MRPL12: variants seen among roughly 807,000 people sequenced by gnomAD.
MRPL12 encodes large ribosomal subunit protein bL12m.
A neutral mutation model predicts 21.1 loss-of-function variants in MRPL12; 13 were observed. That is an observed-to-expected ratio of 0.62 (90% confidence interval 0.40 to 0.98). The LOEUF is 0.98. MRPL12 is among the 50% of genes least tolerant of loss of function. The pLI, the probability that MRPL12 is intolerant of heterozygous loss-of-function variation, is 0.00. For synonymous variants in MRPL12, 126 were observed against 115.3 expected (o/e 1.09, Z -0.60); for missense variants, 251 against 268.6 (o/e 0.93, Z 0.46).
At position 81,703,406 on chromosome 17, in the gene MRPL12, G is replaced by C; in HGVS notation, c.-96G>C. The C allele has an allele frequency of 9.3e-7, 1 of 1,080,408 alleles. No homozygotes were observed. Among genetic ancestry groups the C allele is most frequent in the Non-Finnish European group, 1.3e-6 (1 of 788,170 alleles). The allele number at this position is 1,080,408 out of a possible 1,614,324, so 66.9% of individuals were successfully genotyped here. ...GAATGCCCGGCAGCCGTGGCGGCTA[G>C]AGCGTTCCTCCCCAGCTCGAATGCC... On this transcript the variant is annotated 5_prime_UTR_variant, in exon 1 of 5. The change abolishes the stop of an existing upstream ORF in the 5' untranslated region. Transcript: ENST00000333676.
In MRPL12 at chr17:81,704,712, A is replaced by G; in HGVS notation, c.341A>G (p.Gln114Arg). 2 of 1,612,814 alleles carry G rather than the reference A, an allele frequency of 1.2e-6. No homozygotes were observed. The highest frequency in any genetic ancestry group is 1.7e-6 in the Non-Finnish European group (2 of 1,179,342). The change falls in exon 3 of 5, where the codon CAG (glutamine) becomes CGG (arginine). Residue 114 changes from glutamine (Q) to arginine (R), a missense_variant. Gln to Arg is a conservative substitution (Grantham distance 43). Coordinates refer to ENST00000333676, the MANE Select transcript of MRPL12 (RefSeq NM_002949.4). ...GGGGCTGTCCCTGCTGCAGCAGCCC[A>G]GGAGGTGAGTCCTGGGCAGAATGAG... ...MSGAVPAAAA[Q>R]EAVEEDIPIA...
In MRPL12 at chr17:81,707,354, G is replaced by A; in HGVS notation, c.*114G>A. 1 of 1,034,214 alleles carries A rather than the reference G, an allele frequency of 9.7e-7. No individual in the cohort carries two copies. The highest frequency in any genetic ancestry group is 1.6e-5 in the African/African-American group (1 of 62,538). 64.1% of individuals were successfully genotyped at this position (1,034,214 alleles called of 1,614,324 possible). ...AGGCGCCCAGTGGAGCCGTTTGGGA[G>A]AATTGCCTGCGCCACGCAGCGGGGC... On this transcript the variant is annotated 3_prime_UTR_variant, in exon 5 of 5. Coordinates refer to ENST00000333676, the MANE Select transcript of MRPL12 (RefSeq NM_002949.4).
chr17:81,704,454 C>T, intron 2 of MRPL12, 24 bp downstream of exon 2: 1 of 1,603,784 alleles, frequency 6.2e-7, no homozygotes, highest in Non-Finnish European at 8.5e-7. Context: ...GTGGCACAGA[C>T]CCAGGGGCTG....
chr17:81,703,692 C>T lies in MRPL12; in HGVS notation c.74+117C>T, dbSNP rs375652856. 167 of 1,007,368 alleles carry T rather than the reference C, an allele frequency of 1.7e-4. 1 individual carries two copies. The East Asian group carries it at 4.0e-3, about 24-fold the overall frequency. 62.4% of individuals were successfully genotyped at this position (1,007,368 alleles called of 1,614,324 possible). A position where few individuals can be genotyped will look rare whatever the true frequency, so the allele number is the denominator to read the frequency against. On this transcript the variant is annotated intron_variant, in intron 1 of 4. Transcript: ENST00000333676. The stretch of plus-strand genomic sequence containing the variant: ...GCCGGCCTCCCTGCAGCGGCCAGGC[C>T]GGGCTTGGGGGTCCCATCGGGGGCG...
chr17:81,703,549 T>G lies in MRPL12; in HGVS notation c.48T>G (p.Leu16=). 1 of 1,466,500 alleles carries G rather than the reference T, an allele frequency of 6.8e-7. No individual in the cohort carries two copies. The highest frequency in any genetic ancestry group is 9.0e-7 in the Non-Finnish European group (1 of 1,115,272). 90.8% of individuals were successfully genotyped at this position (1,466,500 alleles called of 1,614,324 possible). A position where few individuals can be genotyped will look rare whatever the true frequency, so the allele number is the denominator to read the frequency against. ...ARPLWGPCLG[L]RAAAFRLARR... ...CCCTGTGGGGGCCTTGCCTTGGGCT[T>G]CGGGCCGCTGCGTTCCGCCTTGCCA... Residue 16 remains leucine, a synonymous_variant, in exon 1 of 5, where the codon CTT becomes CTG. Coordinates refer to ENST00000333676, the MANE Select transcript of MRPL12 (RefSeq NM_002949.4).
chr17:81,706,392 G>A lies in MRPL12; in HGVS notation c.346-514G>A, dbSNP rs1355447695. Among the ~76,000 whole-genome samples, 6 of 152,194 alleles carry A rather than the reference G, an allele frequency of 3.9e-5. No individual in the cohort carries two copies. In the South Asian group the frequency reaches 8.3e-4, roughly 21 times the overall value. ...CTCCCGAGTAGCTGGGATTACAGGC[G>A]CGCACCACTAGAGACAGGGTTTCAC... On this transcript the variant is annotated intron_variant, in intron 3 of 4. Transcript: ENST00000333676.
chr17:81,705,148 CAGG>C (rs566278619), intron 3 of MRPL12, among the ~76,000 whole-genome samples: 71 of 151,776 alleles, frequency 4.7e-4, no homozygotes, highest in Admixed American at 4.4e-3. Flanking sequence ...GAGGCTGAGG[CAGG>C]AGAATAGCTT....
Position 81,707,371 on chromosome 17 carries a change from C to T in MRPL12, c.*131C>T, listed in dbSNP as rs2037325528. ...GTTTGGGAGAATTGCCTGCGCCACG[C>T]AGCGGGGCCGGACAGGCCGCACAGA... is the stretch of plus-strand genomic sequence containing the variant. On this transcript the variant is annotated 3_prime_UTR_variant, in exon 5 of 5. Coordinates refer to ENST00000333676, the MANE Select transcript of MRPL12 (RefSeq NM_002949.4). 2 of 914,118 alleles carry T rather than the reference C, an allele frequency of 2.2e-6. No homozygotes were observed. The highest frequency in any genetic ancestry group is 3.3e-5 in the African/African-American group (2 of 59,940). 56.6% of individuals were successfully genotyped at this position (914,118 alleles called of 1,614,324 possible).
chr17:81,705,156 T>C (rs2037301132), intron 3 of MRPL12, among the ~76,000 whole-genome samples: 1 of 151,624 alleles, frequency 6.6e-6, no homozygotes, highest in Non-Finnish European at 1.5e-5. Flanking sequence ...GGCAGGAGAA[T>C]AGCTTGAACC....
Position 81,704,625 on chromosome 17 carries a change from C to G in MRPL12, c.262-8C>G, listed in dbSNP as rs1376633349. 1.2e-6 allele frequency: 2 copies of G among 1,613,728 alleles called. No individual in the cohort carries two copies. The highest frequency in any genetic ancestry group is 2.7e-5 in the African/African-American group (2 of 74,934). On this transcript the variant is annotated splice_polypyrimidine_tract_variant and splice_region_variant and intron_variant, in intron 2 of 4. Transcript: ENST00000333676. ...GCCAGCTGTGGACACTGTTCTCTAT[C>G]TCTGCAGAAAACGTTGAAGATCCAG...
intron 1 of MRPL12, 81 bp from the exon 2 acceptor site, chr17:81,704,163 C>A: frequency 7.1e-7 from 1 of 1,417,120 alleles, no homozygotes; most frequent in South Asian, 1.4e-5. Flanking sequence ...ACCAGTCCCC[C>A]AGTTGTCCTG....
intron 3 of MRPL12, among the ~76,000 whole-genome samples, chr17:81,705,213 A>T (rs970470133): frequency 1.3e-5 from 2 of 151,372 alleles, no homozygotes; most frequent in Non-Finnish European, 2.9e-5. Context: ...AATAAAAATA[A>T]AAATAAATAA....
Position 81,703,484 on chromosome 17 carries a change from C to G in MRPL12, c.-18C>G, listed in dbSNP as rs1163724787. ...CTCCTCCCGGGGAACCGCGTGTGAC[C>G]TTCCAGCCCGCGGACCGATGCTGCC... On this transcript the variant is annotated 5_prime_UTR_variant, in exon 1 of 5. Coordinates refer to ENST00000333676, the MANE Select transcript of MRPL12 (RefSeq NM_002949.4). 3 of 1,487,638 alleles carry G rather than the reference C, an allele frequency of 2.0e-6. No homozygotes were observed. The East Asian group carries it at 8.7e-5, about 43-fold the overall frequency. 92.2% of individuals were successfully genotyped at this position (1,487,638 alleles called of 1,614,324 possible). A position where few individuals can be genotyped will look rare whatever the true frequency, so the allele number is the denominator to read the frequency against.
Position 81,704,338 on chromosome 17 carries a change from C to A in MRPL12, c.169C>A (p.Pro57Thr). The A allele has an allele frequency of 6.2e-7, 1 of 1,613,566 alleles. No individual in the cohort carries two copies. Among genetic ancestry groups the A allele is most frequent in the Non-Finnish European group, 8.5e-7 (1 of 1,179,918 alleles). ...ALAGAPLDNA[P>T]KEYPPKIQQL... ...CGCTGGTGCACCCCTGGATAACGCC[C>A]CCAAGGAGTACCCCCCCAAGATACA... Residue 57 changes from proline to threonine, a missense_variant, in exon 2 of 5, where the codon CCC becomes ACC. Physicochemically the swap from Pro to Thr is conservative, Grantham distance 38. Transcript: ENST00000333676.
chr17:81,704,985 A>G (rs1348449824), intron 3 of MRPL12, among the ~76,000 whole-genome samples: 1 of 152,132 alleles, frequency 6.6e-6, no homozygotes, highest in Non-Finnish European at 1.5e-5. Context: ...CTGTAATCCC[A>G]GCGCTTCGGG....
chr17:81,704,173 G>GC (rs2037287438), intron 1 of MRPL12, 71 bp from the exon 2 acceptor site: 1 of 1,487,206 alleles, frequency 6.7e-7, no homozygotes, highest in Non-Finnish European at 9.1e-7. Flanking sequence ...CAGTTGTCCT[G>GC]CCCCTCTGGT....
Position 81,707,187 on chromosome 17 carries a change from GAGA to G in MRPL12, c.548_550del (p.Lys183del). 1.9e-6 allele frequency: 3 copies of G among 1,613,606 alleles called. No homozygotes were observed. The highest frequency in any genetic ancestry group is 2.5e-6 in the Non-Finnish European group (3 of 1,179,772). ...AGCCAATGTCGCCAAAGCTGAGGCG[GAGA>G]AGATCAAGGCGGCCCTGGAGGCGGT... On this transcript the variant is annotated inframe_deletion, in exon 5 of 5. Coordinates refer to ENST00000333676, the MANE Select transcript of MRPL12 (RefSeq NM_002949.4).
In MRPL12 at chr17:81,707,163, G is replaced by C. The variant is rs1272874416; in HGVS notation, c.520G>C (p.Ala174Pro). The change falls in exon 5 of 5, where the codon GCC becomes CCC. Residue 174 changes from alanine to proline, a missense_variant. Transcript: ENST00000333676. ...LVESLPQEIK[A>P]NVAKAEAEKI... The stretch of plus-strand genomic sequence containing the variant: ...GGAGTCCCTGCCCCAGGAAATCAAA[G>C]CCAATGTCGCCAAAGCTGAGGCGGA... 1.9e-6 allele frequency: 3 copies of C among 1,614,036 alleles called. 1 individual carries two copies. The South Asian group carries it at 3.3e-5, about 18-fold the overall frequency.
At chr17:81,706,026 C>G (rs2037310050) in intron 3 of MRPL12, among the ~76,000 whole-genome samples, 1 of 152,242 alleles carries the variant, frequency 6.6e-6, no homozygotes, top group Non-Finnish European at 1.5e-5. Flanking sequence ...ACACGCAGCC[C>G]CCTGCCCTCG....
Sources: allele counts gnomAD v4.1 joint callset (sites outside exome capture counted in the v4.1 genomes callset), GRCh38; gene constraint gnomAD v4.1.1; transcripts MANE v1.5; gene names NCBI Gene and HGNC (gene_info 2026-07-23, HGNC 2026-07-21).